Variants in NBPF9 observed in about 807,000 individuals in gnomAD.
NBPF9 encodes the protein NBPF member 9.
Under a neutral mutation model 97.8 loss-of-function variants are expected in NBPF9, and 91 were observed. That is an observed-to-expected ratio of 0.93 (90% CI 0.79 to 1.11). The LOEUF is 1.11. Among genes scored for constraint, NBPF9 ranks in the 50% least tolerant of loss-of-function variants. The pLI, the probability that NBPF9 is intolerant of heterozygous loss-of-function variation, is 0.00. For missense variants in NBPF9, 992 were observed against 939.5 expected (o/e 1.06, Z -0.73); for synonymous variants, 334 against 359.5 (o/e 0.93, Z 0.80).
At chr1:149,070,406 G>A (rs1350753168) in intron 16 of NBPF9, among the ~76,000 whole-genome samples, 3 of 150,946 alleles carry the variant, frequency 2.0e-5, no homozygotes, top group African/African-American at 7.3e-5. Flanking sequence ...GAGAACCAGG[G>A]TCCAGCCTTG....
chr1:149,058,748 C>T, intron 26 of NBPF9, 177 bp downstream of exon 26: 1 of 572,864 alleles, frequency 1.7e-6, no homozygotes, highest in South Asian at 1.9e-5. Flanking sequence ...CTCACTGACC[C>T]ATTTCATGTC....
chr1:149,098,417 G>C, intron 4 of NBPF9, 21 bp downstream of exon 4: 10 of 1,348,940 alleles, frequency 7.4e-6, no homozygotes, highest in Non-Finnish European at 8.7e-6. Flanking sequence ...CATCGAGCTG[G>C]CAATGCCTCA....
intron 4 of NBPF9, chr1:149,092,857 G>C (rs1421444716): frequency 1.3e-6 from 1 of 769,490 alleles, no homozygotes; most frequent in Non-Finnish European, 1.6e-6. Flanking sequence ...CACATTTCTG[G>C]AAGAATAAAA....
At chr1:149,090,687 C>T (rs1490612832) in intron 5 of NBPF9, 66 bp downstream of exon 5, 150 of 549,560 alleles carry the variant, frequency 2.7e-4, no homozygotes, top group Non-Finnish European at 4.4e-4. Flanking sequence ...AATAAAGGAC[C>T]CATCTCTGCC....
intron 4 of NBPF9, among the ~76,000 whole-genome samples, chr1:149,093,386 G>A (rs1261793714): frequency 1.3e-5 from 2 of 151,798 alleles, no homozygotes; most frequent in African/African-American, 2.4e-5. Context: ...CTGCAAAGAG[G>A]CCTTCCTTCC....
chr1:149,059,313 G>A (rs1575822650), intron 25 of NBPF9: 1 of 482,974 alleles, frequency 2.1e-6, no homozygotes, highest in East Asian at 2.8e-5. Flanking sequence ...CAGAGACAGA[G>A]AGAAAGTGAC....
At position 149,072,743 on chromosome 1, in the gene NBPF9, C is replaced by T. The variant is rs587652940; in HGVS notation, c.1281G>A (p.Gln427=). ...CTGGGCTGAGCTTTTGGACAAGGTG[C>T]TGTGCCAGTCTACACCCCTCAGCCA... The change falls in exon 14 of 30, where the codon CAG becomes CAA. Residue 427 remains glutamine, a synonymous_variant. Transcript: ENST00000584027. The T allele has an allele frequency of 9.9e-6, 16 of 1,611,310 alleles. No individual in the cohort carries two copies. In the South Asian group the frequency reaches 1.1e-4, roughly 11 times the overall value.
In NBPF9 at chr1:149,061,884, G is replaced by A. The variant is rs782009553; in HGVS notation, c.2251+209C>T. The A allele has an allele frequency of 1.9e-4, 83 of 428,464 alleles. 23 individuals are homozygous for A. Among genetic ancestry groups the A allele is most frequent in the African/African-American group, 9.5e-5 (3 of 31,484 alleles). 26.5% of individuals were successfully genotyped at this position (428,464 alleles called of 1,614,324 possible). ...GGCTCAGGTTGCCACAGGCATGGCT[G>A]GAGACTAGGAATGGAGCCTTGCTCA... is the stretch of plus-strand genomic sequence containing the variant. On this transcript the variant is annotated intron_variant, in intron 22 of 29. Coordinates refer to ENST00000584027, the Ensembl canonical transcript of NBPF9.
Position 149,077,786 on chromosome 1 carries a change from C to A in NBPF9, c.566+97G>T, listed in dbSNP as rs1553654989. ...TTCACATACTGTGGCCAAGGGGATG[C>A]GGGCTTTTGGCCCACCATAGATGCC... is the stretch of plus-strand genomic sequence containing the variant. On this transcript the variant is annotated intron_variant, in intron 10 of 29. Transcript: ENST00000584027. 3.6e-3 allele frequency: 5,397 copies of A among 1,512,682 alleles called. 140 individuals are homozygous for A. The African/African-American group carries it at 0.067, about 19-fold the overall frequency. The allele number at this position is 1,512,682 out of a possible 1,614,324, so 93.7% of individuals were successfully genotyped here.
Position 149,064,959 on chromosome 1 carries a change from G to A in NBPF9, c.1802-477C>T, listed in dbSNP as rs1448014437. 13 of 532,070 alleles carry A rather than the reference G, an allele frequency of 2.4e-5. No homozygotes were observed. The East Asian group carries it at 5.0e-4, about 20-fold the overall frequency. The allele number at this position is 532,070 out of a possible 1,614,324, so 33.0% of individuals were successfully genotyped here. A position where few individuals can be genotyped will look rare whatever the true frequency, so the allele number is the denominator to read the frequency against. On this transcript the variant is annotated intron_variant, in intron 18 of 29. Transcript: ENST00000584027. ...AGCATCAGCTATTATGGCTTTTGTGGGTGAAAAGTCAGCCATTTATCTAGA... is the reference window on the plus strand; with the variant it reads ...AGCATCAGCTATTATGGCTTTTGTGAGTGAAAAGTCAGCCATTTATCTAGA...
intron 4 of NBPF9, among the ~76,000 whole-genome samples, chr1:149,098,112 ATG>A (rs1242134617): frequency 5.4e-5 from 8 of 147,890 alleles, no homozygotes; most frequent in Non-Finnish European, 1.2e-4. Flanking sequence ...GAAACAAGAG[ATG>A]GAAATGGGGG....
intron 17 of NBPF9, among the ~76,000 whole-genome samples, chr1:149,069,017 C>T (rs79144934): frequency 2.6e-5 from 4 of 151,728 alleles, no homozygotes; most frequent in East Asian, 3.9e-4. Context: ...TGCTCCTGAA[C>T]GACTACTGGG....
At chr1:149,101,282 G>A (rs1250101756) in exon 3 of NBPF9, 1 of 147,924 alleles carries the variant, frequency 6.8e-6, no homozygotes, top group Non-Finnish European at 1.5e-5. Flanking sequence ...CAGCTACTTG[G>A]GGGCTGAGGC....
At chr1:149,093,882 C>G (rs1486923749) in intron 4 of NBPF9, among the ~76,000 whole-genome samples, 3 of 128,404 alleles carry the variant, frequency 2.3e-5, no homozygotes, top group African/African-American at 9.1e-5. Context: ...TGTCTGTAAT[C>G]CTAGCACTTT....
rs587595653 is a variant in NBPF9 at position 149,075,698 on chromosome 1, T to A, written c.945A>T (p.Leu315=). The change falls in exon 12 of 30, where the codon CTA becomes CTT. Residue 315 remains leucine, a synonymous_variant. Coordinates refer to ENST00000584027, the Ensembl canonical transcript of NBPF9. ...TGGCCAGGAAGCCGGCCAGTTGAGT[T>A]AGAAAACATTTCTCTTTGAGGTTTC... is the stretch of plus-strand genomic sequence containing the variant. 17 of 1,609,678 alleles carry A rather than the reference T, an allele frequency of 1.1e-5. No individual in the cohort carries two copies. In the East Asian group the frequency reaches 3.3e-4, roughly 32 times the overall value.
intron 5 of NBPF9, chr1:149,090,540 T>C (rs2081348821): frequency 4.2e-6 from 2 of 475,346 alleles, no homozygotes; most frequent in East Asian, 7.7e-5. Flanking sequence ...TGCATTAAAT[T>C]TAAGCCTAAT....
chr1:149,052,525 C>A, downstream of NBPF9, among the ~76,000 whole-genome samples: 1 of 152,012 alleles, frequency 6.6e-6, no homozygotes, highest in African/African-American at 2.4e-5. Context: ...CTCATGCAAT[C>A]CATCAAGGGC....
chr1:149,079,623 T>C (rs1233514954), intron 8 of NBPF9, among the ~76,000 whole-genome samples: 8 of 142,942 alleles, frequency 5.6e-5, no homozygotes, highest in Non-Finnish European at 9.2e-5. Context: ...ATGGGGCGAA[T>C]TGAAAAGACG....
At chr1:149,093,893 G>A (rs1211590800) in intron 4 of NBPF9, among the ~76,000 whole-genome samples, 4 of 128,212 alleles carry the variant, frequency 3.1e-5, no homozygotes, top group East Asian at 5.6e-4. Context: ...CTAGCACTTT[G>A]AGAGGCCAAG....
Sources: gnomAD v4.1 joint callset for allele counts (sites outside exome capture counted in the v4.1 genomes callset) on GRCh38, gnomAD v4.1.1 for gene constraint, MANE v1.5 for transcripts, NCBI Gene and HGNC (gene_info 2026-07-23, HGNC 2026-07-21) for gene names.